Variants in NUAK1 observed in about 807,000 individuals in gnomAD.
NUAK1 encodes NUAK family kinase 1.
NUAK1 carries 26 observed loss-of-function variants against 56.9 expected under a neutral mutation model. That is an observed-to-expected ratio of 0.46 (90% CI 0.33 to 0.63). The LOEUF (loss-of-function observed/expected upper bound fraction) is 0.63, where lower values mean the gene tolerates loss of function less well. Ranked by LOEUF, NUAK1 falls within the 30% of genes least tolerant of loss-of-function variation. The pLI is 0.02. For synonymous variants in NUAK1, 337 were observed against 336.0 expected (o/e 1.00, Z -0.03); for missense variants, 727 against 876.1 (o/e 0.83, Z 2.15).
In NUAK1 at chr12:106,122,300, TC is replaced by T. The variant is rs2032985810; in HGVS notation, c.241-15776del. Among the ~76,000 whole-genome samples, 3 of 152,158 alleles carry T rather than the reference TC, an allele frequency of 2.0e-5. No individual in the cohort carries two copies. The South Asian group carries it at 6.2e-4, about 32-fold the overall frequency. The stretch of plus-strand genomic sequence containing the variant: ...GCATTCAGGAGGCAGCTGCCCCAAG[TC>T]CAGTGGCCATGAGCGGCAGTATCAC... On this transcript the variant is annotated intron_variant, in intron 1 of 6. Transcript: ENST00000261402.
intron 2 of NUAK1, among the ~76,000 whole-genome samples, chr12:106,098,547 G>A (rs1286056014): frequency 2.6e-5 from 4 of 152,136 alleles, no homozygotes; most frequent in Non-Finnish European, 5.9e-5. Flanking sequence ...GAAAGGGTTG[G>A]CCAGTTCCAG....
chr12:106,070,987 G>A (rs1278821147), intron 5 of NUAK1, 81 bp from the exon 6 acceptor site: 3 of 1,504,506 alleles, frequency 2.0e-6, no homozygotes, highest in African/African-American at 2.7e-5. Flanking sequence ...ATCATAGCCT[G>A]TGAGCAGCCA....
chr12:106,093,398 TCTC>T (rs1281464018), intron 2 of NUAK1, among the ~76,000 whole-genome samples: 3 of 152,232 alleles, frequency 2.0e-5, no homozygotes, highest in Admixed American at 6.5e-5. Flanking sequence ...AACAGCTACT[TCTC>T]CACATTAATC....
At chr12:106,106,307 T>C in intron 2 of NUAK1, 98 bp downstream of exon 2, 1 of 1,132,970 alleles carries the variant, frequency 8.8e-7, no homozygotes, top group Non-Finnish European at 1.2e-6. Flanking sequence ...AATACTTGGC[T>C]TCTGCCCAGA....
In NUAK1 at chr12:106,067,441, C is replaced by T. The variant is rs1056232997; in HGVS notation, c.1347G>A (p.Glu449=). The T allele has an allele frequency of 6.2e-7, 1 of 1,614,050 alleles. No individual in the cohort carries two copies. Among genetic ancestry groups the T allele is most frequent in the African/African-American group, 1.3e-5 (1 of 74,904 alleles). The change falls in exon 7 of 7, where the codon GAG becomes GAA. Residue 449 remains glutamate, a synonymous_variant. Transcript: ENST00000261402. The surrounding 1 kb of genome is among the most constrained non-coding windows in gnomAD (Gnocchi z 6.0). The stretch of plus-strand genomic sequence containing the variant: ...GCTTGGGGCTGAGTTTTCCCGGCAC[C>T]TCTGCCTCTGGTGAGCTTGGGAGGA... ...GVLLPSSPEA[E]VPGKLSPKQS... is the part of the protein sequence containing the mutation.
intron 5 of NUAK1, among the ~76,000 whole-genome samples, chr12:106,072,470 A>T (rs954444875): frequency 6.6e-6 from 1 of 152,190 alleles, no homozygotes; most frequent in African/African-American, 2.4e-5. Flanking sequence ...TTTAAAAGTC[A>T]CTAGAGTTTT....
At chr12:106,112,938 A>G (rs1053012405) in intron 1 of NUAK1, among the ~76,000 whole-genome samples, 2 of 152,200 alleles carry the variant, frequency 1.3e-5, no homozygotes, top group African/African-American at 4.8e-5. Flanking sequence ...TCAAAATTCT[A>G]CATAAAAGAG....
At chr12:106,068,025 C>T in intron 6 of NUAK1, 70 bp from the exon 7 acceptor site, 3 of 1,442,714 alleles carry the variant, frequency 2.1e-6, no homozygotes, top group Non-Finnish European at 2.8e-6. Context: ...GTGGGACCCT[C>T]CAGGAGTGAC....
chr12:106,092,852 T>C (rs553197626), intron 2 of NUAK1, among the ~76,000 whole-genome samples: 1 of 152,296 alleles, frequency 6.6e-6, no homozygotes, highest in East Asian at 1.9e-4. Flanking sequence ...CCTTCCTCCA[T>C]CATACAGTTC....
chr12:106,068,517 C>T (rs562018731), intron 6 of NUAK1, among the ~76,000 whole-genome samples: 1 of 152,330 alleles, frequency 6.6e-6, no homozygotes, highest in South Asian at 2.1e-4. Context: ...AAGCTGGCCT[C>T]GCCCCAAGGT....
At chr12:106,115,844 G>T (rs992946136) in intron 1 of NUAK1, among the ~76,000 whole-genome samples, 3 of 152,180 alleles carry the variant, frequency 2.0e-5, no homozygotes, top group African/African-American at 7.2e-5. Flanking sequence ...GCAGGGGTCT[G>T]TGGTCATCTT....
intron 6 of NUAK1, among the ~76,000 whole-genome samples, chr12:106,068,271 CAAGA>C (rs1335804520): frequency 6.6e-6 from 1 of 152,202 alleles, no homozygotes; most frequent in Non-Finnish European, 1.5e-5. Flanking sequence ...GTCAGGTAAC[CAAGA>C]AAGAATCCAG....
At chr12:106,108,322 C>T (rs79509840) in intron 1 of NUAK1, among the ~76,000 whole-genome samples, 2,771 of 152,278 alleles carry the variant, frequency 0.018, 38 homozygotes, top group Non-Finnish European at 0.028. Flanking sequence ...CTGCTGTAAA[C>T]CCAGGGGCAG....
intron 1 of NUAK1, among the ~76,000 whole-genome samples, chr12:106,130,504 A>G (rs975449725): frequency 4.6e-5 from 7 of 152,180 alleles, no homozygotes; most frequent in Non-Finnish European, 8.8e-5. Context: ...TTGAGCCCCA[A>G]TGTGGGGATG....
intron 1 of NUAK1, among the ~76,000 whole-genome samples, chr12:106,133,258 C>T (rs538040106): frequency 3.9e-4 from 59 of 152,150 alleles, no homozygotes; most frequent in African/African-American, 1.3e-3. Context: ...CCTCTGAAAC[C>T]CAAATCAAGG....
chr12:106,085,492 C>T (rs968310852), intron 3 of NUAK1, among the ~76,000 whole-genome samples: 1 of 152,146 alleles, frequency 6.6e-6, no homozygotes, highest in Non-Finnish European at 1.5e-5. Context: ...AAGAAGTTGA[C>T]TCTGTTTTGG....
At chr12:106,108,395 G>GA (rs2032825373) in intron 1 of NUAK1, among the ~76,000 whole-genome samples, 1 of 152,226 alleles carries the variant, frequency 6.6e-6, no homozygotes, top group Admixed American at 6.5e-5. Flanking sequence ...GCATGGAGAT[G>GA]AATGAGCCTT....
rs748601284 is a variant in NUAK1, at chr12:106,138,556, G to C, written c.98C>G (p.Ala33Gly). 6.2e-6 allele frequency: 10 copies of C among 1,608,288 alleles called. No homozygotes were observed. The highest frequency in any genetic ancestry group is 2.2e-5 in the South Asian group (2 of 90,832). ...PREAVAGATA[A>G]LEPRKPHGVK... The stretch of plus-strand genomic sequence containing the variant: ...CCCGTGCGGCTTCCTGGGCTCCAGG[G>C]CTGCAGTCGCCCCCGCCACCGCCTC... The change falls in exon 1 of 7, where the codon GCC becomes GGC. Residue 33 changes from alanine to glycine, a missense_variant. Transcript: ENST00000261402. The surrounding 1 kb of genome is among the most constrained non-coding windows in gnomAD (Gnocchi z 5.0).
At chr12:106,124,475 A>G (rs1184373632) in intron 1 of NUAK1, among the ~76,000 whole-genome samples, 2 of 152,196 alleles carry the variant, frequency 1.3e-5, no homozygotes, top group African/African-American at 2.4e-5. Context: ...ATCAGTAGGC[A>G]AAACTGATGA....
Sources: allele counts gnomAD v4.1 joint callset (sites outside exome capture counted in the v4.1 genomes callset), GRCh38; gene constraint gnomAD v4.1.1; non-coding constraint Gnocchi (gnomAD v3.1); transcripts MANE v1.5; gene names NCBI Gene and HGNC (gene_info 2026-07-23, HGNC 2026-07-21).